The following AATK variants were observed in gnomAD, a reference collection of about 807,000 sequenced individuals.
The protein encoded by AATK is serine/threonine-protein kinase LMTK1.
In AATK, 91 loss-of-function variants were observed where a neutral mutation model predicts 114.3. The observed-to-expected ratio is 0.80, with a 90% confidence interval of 0.67 to 0.95. The LOEUF is 0.95. AATK is among the 40% of genes least tolerant of loss of function. The probability of loss-of-function intolerance (pLI) is 0.00; values close to 1 mark genes in which losing one functional copy is unlikely to be tolerated. For synonymous variants in AATK, 1,075 were observed against 916.5 expected (o/e 1.17, Z -3.12); for missense variants, 2,176 against 1,965.2 (o/e 1.11, Z -2.03).
chr17:81,118,644 G>A (rs1354610370), intron 13 of AATK, among the ~76,000 whole-genome samples: 2 of 152,228 alleles, frequency 1.3e-5, no homozygotes, highest in East Asian at 3.8e-4. Context: ...CTCAGCAAAT[G>A]CCTCCGAGTC....
chr17:81,130,754 G>A (rs547466305), intron 3 of AATK, among the ~76,000 whole-genome samples: 70 of 152,110 alleles, frequency 4.6e-4, no homozygotes, highest in Middle Eastern at 3.4e-3. Flanking sequence ...GCCCACCCCT[G>A]TCCCTGTGCA....
rs1222489872 is a variant in AATK at position 81,117,723 on chromosome 17, C to T, written c.*679G>A. On this transcript the variant is annotated 3_prime_UTR_variant, in exon 14 of 14. Transcript: ENST00000326724. ...GTACAGCCTGGAAGCCCCTCCACCC[C>T]TGATCTTTTGGGCTGCCCACCGTGG... The T allele has an allele frequency of 6.6e-6, 1 of 152,342 alleles. No homozygotes were observed. Among genetic ancestry groups the T allele is most frequent in the African/African-American group, 2.4e-5 (1 of 41,466 alleles). The allele number at this position is 152,342 out of a possible 1,614,324, so 9.4% of individuals were successfully genotyped here.
chr17:81,138,006 G>A (rs956678790), intron 1 of AATK, among the ~76,000 whole-genome samples: 13 of 135,470 alleles, frequency 9.6e-5, no homozygotes, highest in Non-Finnish European at 2.1e-4. Flanking sequence ...CCCCACACAC[G>A]TACACGCACC....
At chr17:81,124,183 A>G (rs1290388077) in intron 9 of AATK, among the ~76,000 whole-genome samples, 3 of 151,860 alleles carry the variant, frequency 2.0e-5, no homozygotes, top group Non-Finnish European at 4.4e-5. Flanking sequence ...GCGGTTGGGG[A>G]AGCAGCAGAG....
At position 81,120,245 on chromosome 17, in the gene AATK, C is replaced by CCTT. The variant is rs757851302; in HGVS notation, c.3688_3690dup (p.Lys1230dup). 3 of 1,595,588 alleles carry CCTT rather than the reference C, an allele frequency of 1.9e-6. No homozygotes were observed. Among genetic ancestry groups the CCTT allele is most frequent in the Non-Finnish European group, 2.6e-6 (3 of 1,167,554 alleles). On this transcript the variant is annotated inframe_insertion, in exon 11 of 14. Coordinates refer to ENST00000326724, the MANE Select transcript of AATK (RefSeq NM_001080395.3). ...GTGACGTCGTCGAAGAAGGACACGG[C>CCTT]CTTCTTCTTGCGTTCCAGGTCCTCG...
chr17:81,134,737 G>C (rs1947762243), intron 1 of AATK, among the ~76,000 whole-genome samples: 1 of 152,232 alleles, frequency 6.6e-6, no homozygotes, highest in Admixed American at 6.5e-5. Flanking sequence ...ACATAGGGTT[G>C]GCAGAGTGAC....
intron 12 of AATK, 72 bp from the exon 13 acceptor site, chr17:81,119,652 CGGG>C: frequency 3.6e-6 from 2 of 549,394 alleles, no homozygotes; most frequent in East Asian, 6.9e-5. Flanking sequence ...CCCACAGTCA[CGGG>C]CCCAGGCCCC....
At chr17:81,153,467 T>C (rs781250875) in intron 1 of AATK, among the ~76,000 whole-genome samples, 3 of 152,158 alleles carry the variant, frequency 2.0e-5, no homozygotes, top group Admixed American at 6.5e-5. Flanking sequence ...TAAAGATGCG[T>C]CATTTGCCTG....
At chr17:81,135,479 C>T (rs140462374) in intron 1 of AATK, among the ~76,000 whole-genome samples, 31 of 152,294 alleles carry the variant, frequency 2.0e-4, no homozygotes, top group Admixed American at 4.6e-4. Context: ...CCGGCCACCC[C>T]CAGTGCCTTT....
intron 7 of AATK, 56 bp from the exon 8 acceptor site, chr17:81,125,070 G>A: frequency 8.6e-7 from 1 of 1,165,888 alleles, no homozygotes; most frequent in Non-Finnish European, 1.2e-6. Context: ...GGGTGTGCCG[G>A]GTGGGGGCAG....
At chr17:81,142,933 G>A (rs1266365578) in intron 1 of AATK, among the ~76,000 whole-genome samples, 1 of 152,238 alleles carries the variant, frequency 6.6e-6, no homozygotes, top group Non-Finnish European at 1.5e-5. Context: ...GGAAAGGACA[G>A]GAGGCTCCTG....
chr17:81,148,829 C>A (rs1011297501), intron 1 of AATK, among the ~76,000 whole-genome samples: 17 of 152,216 alleles, frequency 1.1e-4, no homozygotes, highest in African/African-American at 3.4e-4. Context: ...CACGCACACA[C>A]CCTTGCCTGT....
chr17:81,146,126 T>C (rs575750777), intron 1 of AATK, among the ~76,000 whole-genome samples: 2 of 149,264 alleles, frequency 1.3e-5, no homozygotes, highest in East Asian at 4.0e-4. Context: ...GAGGTGGAGG[T>C]TGCAGTGAGC....
intron 3 of AATK, 85 bp downstream of exon 3, chr17:81,130,976 G>A: frequency 6.8e-7 from 1 of 1,470,398 alleles, no homozygotes; most frequent in South Asian, 1.3e-5. Flanking sequence ...CCAGAGCTGA[G>A]TCTTCCGGTC....
chr17:81,126,401 G>T lies in AATK; in HGVS notation c.755+26C>A, dbSNP rs759601808. 2 of 1,544,338 alleles carry T rather than the reference G, an allele frequency of 1.3e-6. No individual in the cohort carries two copies. Among genetic ancestry groups the T allele is most frequent in the South Asian group, 1.2e-5 (1 of 83,914 alleles). On this transcript the variant is annotated intron_variant, in intron 7 of 13. Transcript: ENST00000326724. This position sits in a 1 kb window ranked among gnomAD's most constrained non-coding sequence, Gnocchi z 5.1. ...GGAGGGGCCTGGCCTAGGGCTTCCC[G>T]GCCGCTGGCCCGCGCCCGCCCTCAC...
At position 81,120,212 on chromosome 17, in the gene AATK, G is replaced by T; in HGVS notation, c.3724C>A (p.Leu1242Ile). ...VSFFDDVTVY[L>I]FDQESPTREL... ...TGGCGGCGGCCCACCTGGTCAAAGA[G>T]GTAGACGGTGACGTCGTCGAAGAAG... The change falls in exon 11 of 14, where the codon CTC becomes ATC. Residue 1242 changes from leucine (L) to isoleucine (I), a missense_variant. By Grantham distance (5) the Leu-to-Ile change is conservative. Coordinates refer to ENST00000326724, the MANE Select transcript of AATK (RefSeq NM_001080395.3). 6.3e-7 allele frequency: 1 copy of T among 1,579,310 alleles called. No homozygotes were observed.
rs559192936 is a variant in AATK at position 81,121,170 on chromosome 17, C to A, written c.2766G>T (p.Pro922=). ...ASDGGYEVFS[P]SATGPSGGQP... ...GCCCTCCAGAGGGGCCAGTGGCCGA[C>A]GGGCTGAAGACCTCATAGCCACCAT... The change falls in exon 11 of 14, where the codon CCG becomes CCT. Residue 922 remains proline, a synonymous_variant. Transcript: ENST00000326724. 1.2e-6 allele frequency: 2 copies of A among 1,601,926 alleles called. No homozygotes were observed. Among genetic ancestry groups the A allele is most frequent in the African/African-American group, 1.3e-5 (1 of 74,840 alleles).
intron 9 of AATK, 43 bp from the exon 10 acceptor site, chr17:81,123,386 C>A: frequency 7.5e-7 from 1 of 1,328,660 alleles, no homozygotes; most frequent in South Asian, 2.0e-5. Flanking sequence ...CACAGCCTGC[C>A]ACAGCAAGGA....
intron 1 of AATK, among the ~76,000 whole-genome samples, chr17:81,143,964 G>A (rs1367718640): frequency 2.0e-5 from 3 of 152,218 alleles, no homozygotes; most frequent in African/African-American, 7.2e-5. Flanking sequence ...GGGTGAGCAC[G>A]GTGCCCAGGG....
Sources: gnomAD v4.1 joint callset for allele counts (sites outside exome capture counted in the v4.1 genomes callset) on GRCh38, gnomAD v4.1.1 for gene constraint, Gnocchi (gnomAD v3.1) non-coding constraint, MANE v1.5 for transcripts, NCBI Gene and HGNC (gene_info 2026-07-23, HGNC 2026-07-21) for gene names.